Variants in PTPRD observed in about 807,000 individuals in gnomAD.
The protein encoded by PTPRD is receptor-type tyrosine-protein phosphatase delta.
In PTPRD, 34 loss-of-function variants were observed where a neutral mutation model predicts 214.5. That is an observed-to-expected ratio of 0.16 (90% CI 0.12 to 0.21). The LOEUF (loss-of-function observed/expected upper bound fraction) is 0.21, where lower values mean the gene tolerates loss of function less well. Among genes scored for constraint, PTPRD ranks in the 10% least tolerant of loss-of-function variants. The pLI is 1.00. For synonymous variants in PTPRD, 1,128 were observed against 845.7 expected, an observed-to-expected ratio of 1.33 and a Z score of -5.79; for missense variants, 2,545 against 2,398.7, an observed-to-expected ratio of 1.06 and a Z score of -1.27.
At chr9:10,314,159 T>C (rs1267651591) in intron 3 of PTPRD, among the ~76,000 whole-genome samples, 4 of 151,956 alleles carry the variant, frequency 2.6e-5, no homozygotes, top group Non-Finnish European at 4.4e-5. Context: ...TCAGTTATTC[T>C]GTAGAAATAT....
chr9:9,275,119 T>TATTA (rs1491436102), intron 9 of PTPRD, among the ~76,000 whole-genome samples: 1 of 53,494 alleles, frequency 1.9e-5, no homozygotes, highest in Non-Finnish European at 3.3e-5. Flanking sequence ...TATATATATA[T>TATTA]TATATATATT....
intron 3 of PTPRD, among the ~76,000 whole-genome samples, chr9:10,204,539 T>C (rs1437146637): frequency 1.3e-5 from 2 of 152,076 alleles, no homozygotes; most frequent in African/African-American, 4.8e-5. Context: ...ATTGAGATGA[T>C]AGTTTGGGTA....
chr9:8,774,412 CA>C (rs1458476627), intron 11 of PTPRD, among the ~76,000 whole-genome samples: 1 of 150,040 alleles, frequency 6.7e-6, no homozygotes, highest in East Asian at 1.9e-4. Flanking sequence ...AGAGAGCTGA[CA>C]AGATGAAGAT....
At chr9:9,982,484 G>C (rs1240825411) in intron 4 of PTPRD, among the ~76,000 whole-genome samples, 3 of 9,532 alleles carry the variant, frequency 3.1e-4, no homozygotes, top group East Asian at 2.0e-3. Context: ...TGGTGTGTGT[G>C]TGTGTGTGTG....
intron 10 of PTPRD, among the ~76,000 whole-genome samples, chr9:9,091,542 A>T (rs1381491543): frequency 1.3e-5 from 2 of 152,200 alleles, no homozygotes. Context: ...CATTTCCAGT[A>T]TCAACTCTTA....
chr9:9,103,312 T>C lies in PTPRD; in HGVS notation c.-143+79992A>G, dbSNP rs954208749. On this transcript the variant is annotated intron_variant, in intron 10 of 45. Coordinates refer to ENST00000381196, the MANE Select transcript of PTPRD (RefSeq NM_002839.4). ...TAGTTTTTGTTTGTTTTTTTTTCCATTGCACCAACTTTACAGACAGCATAA... is the reference window on the plus strand; with the variant it reads ...TAGTTTTTGTTTGTTTTTTTTTCCACTGCACCAACTTTACAGACAGCATAA... Among the ~76,000 whole-genome samples the C allele has an allele frequency of 6.6e-5, 10 of 152,140 alleles. No homozygotes were observed. In the South Asian group the frequency reaches 1.4e-3, roughly 22 times the overall value.
At chr9:9,394,941 A>C (rs909254673) in intron 9 of PTPRD, among the ~76,000 whole-genome samples, 1 of 152,090 alleles carries the variant, frequency 6.6e-6, no homozygotes, top group Non-Finnish European at 1.5e-5. Flanking sequence ...AATGCAGTGA[A>C]ATCAAATGAA....
intron 5 of PTPRD, among the ~76,000 whole-genome samples, chr9:9,846,997 T>G (rs1275270802): frequency 6.6e-6 from 1 of 152,234 alleles, no homozygotes; most frequent in Admixed American, 6.6e-5. Flanking sequence ...TTTTTGAGTA[T>G]GCCAGAAAAA....
At chr9:9,349,977 CA>C (rs1307146784) in intron 9 of PTPRD, among the ~76,000 whole-genome samples, 1 of 152,042 alleles carries the variant, frequency 6.6e-6, no homozygotes, top group East Asian at 1.9e-4. Flanking sequence ...CCAGTATCAG[CA>C]TAGATGTAAC....
chr9:9,452,383 T>C (rs1448263211), intron 8 of PTPRD, among the ~76,000 whole-genome samples: 2 of 151,436 alleles, frequency 1.3e-5, no homozygotes, highest in African/African-American at 4.8e-5. Context: ...TAAATTTAAA[T>C]CAAAATAAAT....
chr9:9,995,385 T>C (rs1024546046), intron 4 of PTPRD, among the ~76,000 whole-genome samples: 1 of 152,230 alleles, frequency 6.6e-6, no homozygotes, highest in Non-Finnish European at 1.5e-5. Context: ...ACAAAGTTTA[T>C]AGCTTTGTCA....
chr9:8,789,841 C>T (rs2096149859), intron 11 of PTPRD, among the ~76,000 whole-genome samples: 1 of 152,062 alleles, frequency 6.6e-6, no homozygotes, highest in East Asian at 1.9e-4. Flanking sequence ...AAAATTAACA[C>T]TATAAAACAT....
intron 9 of PTPRD, among the ~76,000 whole-genome samples, chr9:9,349,817 T>C (rs2050420659): frequency 1.3e-5 from 2 of 152,036 alleles, no homozygotes; most frequent in African/African-American, 4.8e-5. Context: ...GGACAGAATC[T>C]GCATTTCTCA....
intron 7 of PTPRD, among the ~76,000 whole-genome samples, chr9:9,617,850 A>T (rs1278881321): frequency 1.3e-5 from 2 of 151,830 alleles, no homozygotes; most frequent in East Asian, 3.9e-4. Context: ...AGGCGGGCAG[A>T]TCACGAGGTC....
At chr9:9,805,843 G>A (rs1009089438) in intron 5 of PTPRD, among the ~76,000 whole-genome samples, 1 of 152,096 alleles carries the variant, frequency 6.6e-6, no homozygotes, top group African/African-American at 2.4e-5. Flanking sequence ...GTGAGAAATA[G>A]AGCTTAGAAA....
At chr9:9,487,864 T>G (rs1318919576) in intron 8 of PTPRD, among the ~76,000 whole-genome samples, 1 of 152,152 alleles carries the variant, frequency 6.6e-6, no homozygotes, top group Non-Finnish European at 1.5e-5. Flanking sequence ...TCCCAGTATT[T>G]GATACACAGA....
chr9:8,573,775 C>A (rs1399067308), intron 14 of PTPRD, among the ~76,000 whole-genome samples: 1 of 151,796 alleles, frequency 6.6e-6, no homozygotes, highest in Admixed American at 6.6e-5. Context: ...ACTCTTAATT[C>A]TGCATTTTTA....
intron 10 of PTPRD, chr9:9,090,816 T>A (rs1340009653): frequency 6.9e-6 from 5 of 721,974 alleles, no homozygotes; most frequent in Middle Eastern, 3.2e-4. Context: ...CTTAATGACA[T>A]CTCAATGATA....
intron 10 of PTPRD, among the ~76,000 whole-genome samples, chr9:9,181,667 C>G (rs977065144): frequency 1.3e-5 from 2 of 151,878 alleles, no homozygotes; most frequent in Non-Finnish European, 2.9e-5. Flanking sequence ...TACTTAATAT[C>G]AAATGGCTAA....
Sources: gnomAD v4.1 joint callset for allele counts (sites outside exome capture counted in the v4.1 genomes callset) on GRCh38, gnomAD v4.1.1 for gene constraint, MANE v1.5 for transcripts, NCBI Gene and HGNC (gene_info 2026-07-23, HGNC 2026-07-21) for gene names.